Variants in CHD6 observed in about 807,000 individuals in gnomAD.
CHD6 encodes ATP-dependent chromatin remodeler CHD6.
Under a neutral mutation model 276.9 loss-of-function variants are expected in CHD6, and 50 were observed. That is an observed-to-expected ratio of 0.18 (90% CI 0.14 to 0.23). The LOEUF is 0.23. CHD6 is among the 10% of genes least tolerant of loss of function. The probability of loss-of-function intolerance (pLI) is 1.00; values close to 1 mark genes in which losing one functional copy is unlikely to be tolerated. For missense variants in CHD6, 2,564 were observed against 3,365.8 expected (o/e 0.76, Z 5.89); for synonymous variants, 1,173 against 1,229.3 (o/e 0.95, Z 0.96).
At chr20:41,472,740 A>G (rs1337082115) in intron 17 of CHD6, among the ~76,000 whole-genome samples, 12 of 152,170 alleles carry the variant, frequency 7.9e-5, no homozygotes, top group Non-Finnish European at 1.5e-4. Flanking sequence ...TATCAACTCC[A>G]ATCTTTGCAG....
chr20:41,529,432 AGACAAG>A (rs1450038468), intron 3 of CHD6, among the ~76,000 whole-genome samples: 2 of 152,212 alleles, frequency 1.3e-5, no homozygotes, highest in Non-Finnish European at 2.9e-5. Flanking sequence ...GAATGACCTT[AGACAAG>A]TCACTTCTCT....
chr20:41,421,985 C>A lies in CHD6; in HGVS notation c.4650G>T (p.Glu1550Asp), dbSNP rs951570381. 1 of 1,614,224 alleles carries A rather than the reference C, an allele frequency of 6.2e-7. No individual in the cohort carries two copies. The highest frequency in any genetic ancestry group is 8.5e-7 in the Non-Finnish European group (1 of 1,180,040). ...YRIELLRKVREQVLKCPQLHE... is the reference protein window; with the variant it reads ...YRIELLRKVRDQVLKCPQLHE... ...GCAGCTGAGGGCACTTGAGCACTTG[C>A]TCTCGGACTTTCCGTAACAGTTCAA... The change falls in exon 31 of 37, where the codon GAG becomes GAT. Residue 1550 changes from glutamate (E) to aspartate (D), a missense_variant. Glu to Asp is a conservative substitution (Grantham distance 45, BLOSUM62 2). Around this residue, in one of 7 missense-constraint regions of CHD6, gnomAD observed 515 missense variants for 739.5 expected, o/e 0.70. Coordinates refer to ENST00000373233, the MANE Select transcript of CHD6 (RefSeq NM_032221.5).
At chr20:41,554,987 G>A (rs1274660722) in intron 1 of CHD6, among the ~76,000 whole-genome samples, 5 of 150,586 alleles carry the variant, frequency 3.3e-5, no homozygotes, top group Non-Finnish European at 5.9e-5. Flanking sequence ...CCTCCCGGAC[G>A]GGGCGGCTGG....
rs1033826325 is a variant in CHD6, at chr20:41,556,121, G to A, written c.-23-4761C>T. ...ACGAAAACCAGTCAGGCGTGGCGGC[G>A]CGCACCTGCAATCGCAGGCACTCGG... On this transcript the variant is annotated intron_variant, in intron 1 of 36. Coordinates refer to ENST00000373233, the MANE Select transcript of CHD6 (RefSeq NM_032221.5). 5.9e-5 allele frequency among the ~76,000 whole-genome samples: 9 copies of A among 152,260 alleles called. No homozygotes were observed. The South Asian group carries it at 6.2e-4, about 11-fold the overall frequency.
At chr20:41,422,704 TGGC>T (rs1366323595) in intron 30 of CHD6, among the ~76,000 whole-genome samples, 1 of 152,208 alleles carries the variant, frequency 6.6e-6, no homozygotes, top group Non-Finnish European at 1.5e-5. Context: ...ATAAGGAAAT[TGGC>T]TCAGATAAAC....
At chr20:41,444,601 A>T (rs568467838) in intron 25 of CHD6, among the ~76,000 whole-genome samples, 1 of 152,332 alleles carries the variant, frequency 6.6e-6, no homozygotes, top group African/African-American at 2.4e-5. Context: ...TTGTTACTTA[A>T]ATATAGCTGG....
At position 41,564,881 on chromosome 20, in the gene CHD6, T is replaced by C. The variant is rs138427301; in HGVS notation, c.-23-13521A>G. ...GCTAGGCAGTTTGAATTGAATCTTC[T>C]ATGTAATGGGGAGCCATTAATTGAA... On this transcript the variant is annotated intron_variant, in intron 1 of 36. Transcript: ENST00000373233. Among the ~76,000 whole-genome samples the C allele has an allele frequency of 7.3e-3, 1,111 of 152,260 alleles. 40 individuals carry two copies. Among genetic ancestry groups the C allele is most frequent in the Admixed American group, 0.062 (952 of 15,288 alleles).
chr20:41,413,323 C>T lies in CHD6; in HGVS notation c.7131+1G>A. The T allele has an allele frequency of 6.3e-7, 1 of 1,590,928 alleles. No individual in the cohort carries two copies. Among genetic ancestry groups the T allele is most frequent in the Non-Finnish European group, 8.6e-7 (1 of 1,167,668 alleles). On this transcript the variant is annotated splice_donor_variant, in intron 35 of 36. Coordinates refer to ENST00000373233, the MANE Select transcript of CHD6 (RefSeq NM_032221.5). LOFTEE classifies it high-confidence loss of function. ...CTCAGGCAGTACCAACAAACACTTA[C>T]TGCCCCAAAGCCAGGAACTTCTAAG...
chr20:41,406,720 C>T (rs954346897), intron 36 of CHD6, among the ~76,000 whole-genome samples: 1 of 152,242 alleles, frequency 6.6e-6, no homozygotes, highest in African/African-American at 2.4e-5. Flanking sequence ...GCCGCAGTCC[C>T]TGCGCCCCTG....
At position 41,537,286 on chromosome 20, in the gene CHD6, A is replaced by AAAAC. The variant is rs745314279; in HGVS notation, c.34-3720_34-3717dup. 2.0e-5 allele frequency among the ~76,000 whole-genome samples: 3 copies of AAAAC among 152,354 alleles called. No homozygotes were observed. The East Asian group carries it at 5.8e-4, about 29-fold the overall frequency. On this transcript the variant is annotated intron_variant, in intron 2 of 36. Transcript: ENST00000373233. ...GTCAACCGAGGATTGAAAATATTTG[A>AAAAC]AAACAAACAAACAATTAAAAATGAC...
chr20:41,591,042 T>C (rs1718442087), intron 1 of CHD6, among the ~76,000 whole-genome samples: 1 of 151,856 alleles, frequency 6.6e-6, no homozygotes, highest in Non-Finnish European at 1.5e-5. Context: ...AAAAAAATGA[T>C]GAGTTCATGT....
At chr20:41,515,656 T>C (rs73907177) in intron 3 of CHD6, among the ~76,000 whole-genome samples, 2,764 of 152,342 alleles carry the variant, frequency 0.018, 71 homozygotes, top group African/African-American at 0.062. Context: ...TTCACCAGAA[T>C]TAGTTGTTAA....
rs774878108 is a variant in CHD6 at position 41,421,264 on chromosome 20, A to G, written c.5371T>C (p.Cys1791Arg). 9 of 1,613,996 alleles carry G rather than the reference A, an allele frequency of 5.6e-6. No homozygotes were observed. Among genetic ancestry groups the G allele is most frequent in the Non-Finnish European group, 6.8e-6 (8 of 1,180,042 alleles). Residue 1791 changes from cysteine (C) to arginine (R), a missense_variant, in exon 31 of 37, where the codon TGC (cysteine) becomes CGC (arginine). By Grantham distance (180) the Cys-to-Arg change is radical. This residue lies in a region of CHD6 where 1,024 missense variants were observed against 1,047.9 expected (regional missense o/e 0.98). Coordinates refer to ENST00000373233, the MANE Select transcript of CHD6 (RefSeq NM_032221.5). ...LMSISKEGELCCSEAGQRPEN... is the reference protein window; with the variant it reads ...LMSISKEGELRCSEAGQRPEN... ...GGTCTCTGTCCTGCCTCACTGCAGC[A>G]GAGCTCCCCTTCCTTTGAAATAGAC...
chr20:41,449,202 CTGTT>C (rs923065972), intron 23 of CHD6, among the ~76,000 whole-genome samples: 16 of 152,302 alleles, frequency 1.1e-4, no homozygotes, highest in East Asian at 1.9e-4. Context: ...TGCACCCAAC[CTGTT>C]TGTTTATTTA....
intron 2 of CHD6, among the ~76,000 whole-genome samples, chr20:41,548,629 C>A (rs965137369): frequency 2.6e-5 from 4 of 152,010 alleles, no homozygotes; most frequent in Non-Finnish European, 2.9e-5. Context: ...GCAACAAAAG[C>A]CAAAATTGAC....
Position 41,422,076 on chromosome 20 carries a change from G to A in CHD6, c.4559C>T (p.Pro1520Leu). The change falls in exon 31 of 37, where the codon CCC becomes CTC. Residue 1520 changes from proline (P) to leucine (L), a missense_variant. Coordinates refer to ENST00000373233, the MANE Select transcript of CHD6 (RefSeq NM_032221.5). Reference sequence around the variant, plus strand: ...TTCAACGTAGATGGTGGTATCTGGGGGACCTGGAGAGAAAGGGAAATAAAG... The same window carrying A: ...TTCAACGTAGATGGTGGTATCTGGGAGACCTGGAGAGAAAGGGAAATAAAG... ...CRLPTWKDGG[P>L]PDTTIYVEPI... 1 of 1,602,714 alleles carries A rather than the reference G, an allele frequency of 6.2e-7. No homozygotes were observed. Among genetic ancestry groups the A allele is most frequent in the Non-Finnish European group, 8.5e-7 (1 of 1,172,496 alleles).
chr20:41,566,372 G>T (rs945677902), intron 1 of CHD6, among the ~76,000 whole-genome samples: 1 of 152,106 alleles, frequency 6.6e-6, no homozygotes, highest in African/African-American at 2.4e-5. Flanking sequence ...CTTTTGGGGG[G>T]AATGGAAAAA....
At chr20:41,557,404 TTTC>T (rs1267531800) in intron 1 of CHD6, among the ~76,000 whole-genome samples, 11 of 152,178 alleles carry the variant, frequency 7.2e-5, no homozygotes, top group Non-Finnish European at 1.5e-4. Context: ...TTTTGAAAGT[TTTC>T]TTTTCTTTTT....
rs371474264 is a variant in CHD6 at position 41,551,351 on chromosome 20, ATATT to A, written c.-18_-15del. On this transcript the variant is annotated 5_prime_UTR_variant, in exon 2 of 37. Coordinates refer to ENST00000373233, the MANE Select transcript of CHD6 (RefSeq NM_032221.5). ...TTTCATTTTCATCTATTGAAGGAAGATATTTATTTCTGTAAAACATTTTTAAAAA... is the reference window on the plus strand; with the variant it reads ...TTTCATTTTCATCTATTGAAGGAAGATATTTCTGTAAAACATTTTTAAAAA... The A allele has an allele frequency of 3.9e-4, 538 of 1,382,102 alleles. 5 individuals are homozygous for A. The South Asian group carries it at 5.9e-3, about 15-fold the overall frequency. 85.6% of individuals were successfully genotyped at this position (1,382,102 alleles called of 1,614,324 possible). A position where few individuals can be genotyped will look rare whatever the true frequency, so the allele number is the denominator to read the frequency against.
Sources: allele counts gnomAD v4.1 joint callset (sites outside exome capture counted in the v4.1 genomes callset), GRCh38; gene constraint gnomAD v4.1.1; regional missense constraint gnomAD v4.1.1; transcripts MANE v1.5; gene names NCBI Gene and HGNC (gene_info 2026-07-23, HGNC 2026-07-21).